Variants in PHACTR1 observed in about 807,000 individuals in gnomAD.
PHACTR1 encodes phosphatase and actin regulator 1, also known as RPEL repeat containing 1.
PHACTR1 carries 16 observed loss-of-function variants against 69.2 expected under a neutral mutation model. The ratio of observed to expected loss-of-function variants is 0.23; its 90% confidence interval spans 0.16 to 0.35. The LOEUF (loss-of-function observed/expected upper bound fraction) is 0.35, where lower values mean the gene tolerates loss of function less well. Ranked by LOEUF, PHACTR1 falls within the 10% of genes least tolerant of loss-of-function variation. PHACTR1 has a pLI of 1.00. For synonymous variants in PHACTR1, 312 were observed against 284.5 expected, an observed-to-expected ratio of 1.10 and a Z score of -0.97; for missense variants, 510 against 734.7, an observed-to-expected ratio of 0.69 and a Z score of 3.54.
At chr6:12,756,153 AT>A (rs1194364069) in intron 4 of PHACTR1, among the ~76,000 whole-genome samples, 1 of 152,148 alleles carries the variant, frequency 6.6e-6, no homozygotes, top group Non-Finnish European at 1.5e-5. Context: ...ATTCATGATC[AT>A]TATTTAGTGT....
chr6:13,256,595 A>G (rs1351209029), intron 10 of PHACTR1, among the ~76,000 whole-genome samples: 2 of 152,212 alleles, frequency 1.3e-5, no homozygotes, highest in African/African-American at 4.8e-5. Flanking sequence ...TACATTTTGA[A>G]TTTGGCTGCT....
Position 12,949,283 on chromosome 6 carries a change from A to AAG in PHACTR1, c.251-104081_251-104080insGA, listed in dbSNP as rs1554175573. Among the ~76,000 whole-genome samples, 191 of 150,994 alleles carry AAG rather than the reference A, an allele frequency of 1.3e-3. 1 individual carries two copies. Among genetic ancestry groups the AAG allele is most frequent in the African/African-American group, 4.5e-3 (182 of 40,666 alleles). On this transcript the variant is annotated intron_variant, in intron 4 of 14. Transcript: ENST00000332995. ...AAACGTCATCTCAAAAAAAAAAAAA[A>AAG]AAAAGAAAGAAAGAAAAGGAAAAAA...
At chr6:12,965,439 T>C (rs1175776052) in intron 4 of PHACTR1, among the ~76,000 whole-genome samples, 1 of 142,646 alleles carries the variant, frequency 7.0e-6, no homozygotes, top group Non-Finnish European at 1.5e-5. Flanking sequence ...TTTTTCACAG[T>C]CTATTTTGTG....
chr6:12,914,687 A>G (rs1786777397), intron 4 of PHACTR1, among the ~76,000 whole-genome samples: 2 of 152,186 alleles, frequency 1.3e-5, no homozygotes, highest in South Asian at 4.2e-4. Flanking sequence ...AGGGGGAGCA[A>G]TCAGGAGACA....
intron 4 of PHACTR1, among the ~76,000 whole-genome samples, chr6:12,774,712 T>C (rs971729001): frequency 6.6e-6 from 1 of 152,168 alleles, no homozygotes; most frequent in Non-Finnish European, 1.5e-5. Flanking sequence ...TATTTGAATA[T>C]ATTCAAGGCA....
chr6:12,911,104 A>G (rs1171645874), intron 4 of PHACTR1, among the ~76,000 whole-genome samples: 1 of 152,142 alleles, frequency 6.6e-6, no homozygotes. Flanking sequence ...CCCCTACAAC[A>G]CTTAACAAAG....
intron 4 of PHACTR1, among the ~76,000 whole-genome samples, chr6:12,885,288 T>TG (rs1046091285): frequency 2.0e-5 from 3 of 152,220 alleles, no homozygotes; most frequent in African/African-American, 7.2e-5. Context: ...AGAAAACTTC[T>TG]GGGGGAAGGC....
At chr6:13,069,484 C>G (rs1740266885) in intron 5 of PHACTR1, among the ~76,000 whole-genome samples, 1 of 152,164 alleles carries the variant, frequency 6.6e-6, no homozygotes, top group Non-Finnish European at 1.5e-5. Context: ...CTTACCACTG[C>G]CTCTCCTTGG....
intron 5 of PHACTR1, among the ~76,000 whole-genome samples, chr6:13,088,390 T>A (rs1189770751): frequency 6.6e-6 from 1 of 150,974 alleles, no homozygotes; most frequent in Non-Finnish European, 1.5e-5. Flanking sequence ...CATTTCACCC[T>A]GGACCTGGCT....
intron 5 of PHACTR1, among the ~76,000 whole-genome samples, chr6:13,099,068 C>T (rs933311075): frequency 6.6e-6 from 1 of 152,236 alleles, no homozygotes; most frequent in Non-Finnish European, 1.5e-5. Context: ...ACTCCAGCCA[C>T]ACAGCCACCT....
intron 4 of PHACTR1, among the ~76,000 whole-genome samples, chr6:13,000,538 CA>C (rs954271684): frequency 2.1e-5 from 3 of 144,180 alleles, no homozygotes; most frequent in African/African-American, 7.7e-5. Context: ...ACAGAGTCTC[CA>C]AAAAAAGAGT....
At chr6:13,165,022 T>C (rs1283513794) in intron 6 of PHACTR1, among the ~76,000 whole-genome samples, 1 of 152,198 alleles carries the variant, frequency 6.6e-6, no homozygotes, top group Non-Finnish European at 1.5e-5. Flanking sequence ...GATAAAAGTT[T>C]TAAAATCAGA....
At chr6:13,271,709 T>A (rs921390995) in intron 10 of PHACTR1, among the ~76,000 whole-genome samples, 95 of 152,154 alleles carry the variant, frequency 6.2e-4, no homozygotes, top group Non-Finnish European at 7.4e-4. Flanking sequence ...TTTTTTTTTT[T>A]AATATTTTCC....
intron 4 of PHACTR1, among the ~76,000 whole-genome samples, chr6:12,931,373 T>C (rs1788853034): frequency 6.6e-6 from 1 of 152,158 alleles, no homozygotes; most frequent in Non-Finnish European, 1.5e-5. Context: ...GCAGGGAAAG[T>C]TGGCAACTGT....
chr6:12,888,072 C>CAAAAAAAAAAA (rs33925347), intron 4 of PHACTR1, among the ~76,000 whole-genome samples: 1 of 71,918 alleles, frequency 1.4e-5, no homozygotes. Flanking sequence ...GACTCCATCT[C>CAAAAAAAAAAA]AAAAAAAAAA....
chr6:13,222,451 A>G (rs1047748989), intron 8 of PHACTR1, among the ~76,000 whole-genome samples: 2 of 152,240 alleles, frequency 1.3e-5, no homozygotes, highest in African/African-American at 4.8e-5. Flanking sequence ...GTAGAACCCC[A>G]CGAGCATCAG....
chr6:13,276,845 T>C (rs1046496127), intron 11 of PHACTR1, among the ~76,000 whole-genome samples: 2 of 152,062 alleles, frequency 1.3e-5, no homozygotes, highest in African/African-American at 4.8e-5. Context: ...TCAGCAACCA[T>C]ACCTGAATTG....
At chr6:12,893,871 A>C (rs2876300) in intron 4 of PHACTR1, among the ~76,000 whole-genome samples, 2 of 151,962 alleles carry the variant, frequency 1.3e-5, no homozygotes, top group Non-Finnish European at 2.9e-5. Context: ...CTGCAGGGAG[A>C]GAAGATTCTG....
At chr6:13,260,717 AC>A (rs1281222061) in intron 10 of PHACTR1, among the ~76,000 whole-genome samples, 3 of 152,170 alleles carry the variant, frequency 2.0e-5, no homozygotes, top group Non-Finnish European at 4.4e-5. Context: ...AGGATAGGGC[AC>A]CCCTGGGCTT....
Sources: gnomAD v4.1 joint callset for allele counts (sites outside exome capture counted in the v4.1 genomes callset) on GRCh38, gnomAD v4.1.1 for gene constraint, MANE v1.5 for transcripts, NCBI Gene and HGNC (gene_info 2026-07-23, HGNC 2026-07-21) for gene names.